Variants in APH1B observed in about 807,000 individuals in gnomAD.
APH1B encodes the protein gamma-secretase subunit APH-1B.
A neutral mutation model predicts 28.2 loss-of-function variants in APH1B; 27 were observed. That is an observed-to-expected ratio of 0.96 (90% CI 0.70 to 1.32). The LOEUF is 1.32. APH1B is among the 40% of genes most tolerant of loss of function. APH1B has a pLI of 0.00. For synonymous variants in APH1B, 141 were observed against 124.6 expected, an observed-to-expected ratio of 1.13 and a Z score of -0.88; for missense variants, 305 against 313.6, an observed-to-expected ratio of 0.97 and a Z score of 0.21.
chr15:63,299,045 G>C (rs977144582), intron 4 of APH1B, among the ~76,000 whole-genome samples: 1 of 152,142 alleles, frequency 6.6e-6, no homozygotes, highest in Non-Finnish European at 1.5e-5. Flanking sequence ...TCAGACAAAA[G>C]GGATAATCTA....
chr15:63,296,793 G>T (rs1315725302), intron 4 of APH1B, among the ~76,000 whole-genome samples: 1 of 152,052 alleles, frequency 6.6e-6, no homozygotes, highest in Admixed American at 6.5e-5. Context: ...GAGTAGCTGG[G>T]ACTACAGGTG....
chr15:63,303,867 C>CA (rs1340126563), intron 5 of APH1B, among the ~76,000 whole-genome samples: 1 of 70,882 alleles, frequency 1.4e-5, no homozygotes, highest in East Asian at 3.1e-4. Flanking sequence ...CACACACACA[C>CA]ACACACAACA....
At chr15:63,298,910 AAAGG>A in intron 4 of APH1B, among the ~76,000 whole-genome samples, 1 of 151,904 alleles carries the variant, frequency 6.6e-6, no homozygotes, top group South Asian at 2.1e-4. Flanking sequence ...AAAAAAAAAA[AAAGG>A]AGGAGGGTAG....
At position 63,279,998 on chromosome 15, in the gene APH1B, A is replaced by T. The variant is rs113576621; in HGVS notation, c.284+667A>T. On this transcript the variant is annotated intron_variant, in intron 2 of 5. Transcript: ENST00000261879. Reference sequence around the variant, plus strand: ...ATTTTAGTAGAGACAGGGTTTCACCATGTTCGCCAGGCTGGTTTCAAACTC... The same window carrying T: ...ATTTTAGTAGAGACAGGGTTTCACCTTGTTCGCCAGGCTGGTTTCAAACTC... 8.0e-3 allele frequency among the ~76,000 whole-genome samples: 1,215 copies of T among 152,118 alleles called. 14 individuals carry two copies. The highest frequency in any genetic ancestry group is 0.017 in the Middle Eastern group (5 of 294).
chr15:63,291,648 G>A (rs562193164), intron 4 of APH1B: 3 of 152,320 alleles, frequency 2.0e-5, no homozygotes, highest in Admixed American at 2.0e-4. Context: ...AATAAAAGAG[G>A]AATGTGGGAG....
intron 2 of APH1B, 32 bp downstream of exon 2, chr15:63,279,363 C>A: frequency 1.3e-6 from 2 of 1,556,056 alleles, no homozygotes; most frequent in South Asian, 2.3e-5. Context: ...CCTTTTTTTT[C>A]CCCAGTTAGA....
rs1373829146 is a variant in APH1B at position 63,306,055 on chromosome 15, GT to G, written c.*278del. On this transcript the variant is annotated 3_prime_UTR_variant, in exon 6 of 6. Coordinates refer to ENST00000261879, the MANE Select transcript of APH1B (RefSeq NM_031301.4). ...GCTAATTGGCCTGGGCACGTGGTGA[GT>G]TTTAAAAGCTTCCCAGGTGATTCTG... The G allele has an allele frequency of 2.9e-6, 1 of 343,020 alleles. No homozygotes were observed. The highest frequency in any genetic ancestry group is 5.3e-6 in the Non-Finnish European group (1 of 187,780). 21.2% of individuals were successfully genotyped at this position (343,020 alleles called of 1,614,324 possible).
intron 4 of APH1B, among the ~76,000 whole-genome samples, chr15:63,288,051 A>G (rs1421501057): frequency 6.6e-6 from 1 of 152,224 alleles, no homozygotes; most frequent in African/African-American, 2.4e-5. Flanking sequence ...AATTGTCATC[A>G]TGATGCAGTG....
chr15:63,287,259 C>G, intron 3 of APH1B, 165 bp from the exon 4 acceptor site: 2 of 791,208 alleles, frequency 2.5e-6, no homozygotes, highest in Non-Finnish European at 3.9e-6. Flanking sequence ...CTCTCTGATT[C>G]ATCATTTAGC....
rs2038401106 is a variant in APH1B at position 63,282,638 on chromosome 15, T to A, written c.284+3307T>A. Among the ~76,000 whole-genome samples, 3 of 152,114 alleles carry A rather than the reference T, an allele frequency of 2.0e-5. 1 individual carries two copies. The South Asian group carries it at 6.2e-4, about 31-fold the overall frequency. On this transcript the variant is annotated intron_variant, in intron 2 of 5. Coordinates refer to ENST00000261879, the MANE Select transcript of APH1B (RefSeq NM_031301.4). ...GAAACTCCTGTATGTTGCTTGAAAC[T>A]CCTGTATGTTGCCTAAAACAGACAT... is the stretch of plus-strand genomic sequence containing the variant.
At chr15:63,286,125 A>G (rs556436039) in intron 2 of APH1B, among the ~76,000 whole-genome samples, 2 of 152,346 alleles carry the variant, frequency 1.3e-5, no homozygotes, top group Admixed American at 6.5e-5. Flanking sequence ...CAGAGCCAGT[A>G]TAGTCCTGGT....
At chr15:63,298,250 A>T (rs1386396325) in intron 4 of APH1B, among the ~76,000 whole-genome samples, 1 of 152,122 alleles carries the variant, frequency 6.6e-6, no homozygotes, top group Non-Finnish European at 1.5e-5. Flanking sequence ...TAGCTCTGTC[A>T]CCCAGGCTGG....
Position 63,305,857 on chromosome 15 carries a change from C to T in APH1B, c.*76C>T. ...CACAACTGTGCCTTTTTCTGAAAAT[C>T]CCTTTTTCTGGTGGAATTGAGAAAG... On this transcript the variant is annotated 3_prime_UTR_variant, in exon 6 of 6. Coordinates refer to ENST00000261879, the MANE Select transcript of APH1B (RefSeq NM_031301.4). 1 of 1,517,342 alleles carries T rather than the reference C, an allele frequency of 6.6e-7. No individual in the cohort carries two copies. Among genetic ancestry groups the T allele is most frequent in the Non-Finnish European group, 8.9e-7 (1 of 1,128,158 alleles). The allele number at this position is 1,517,342 out of a possible 1,614,324, so 94.0% of individuals were successfully genotyped here.
chr15:63,283,084 A>C (rs1295654366), intron 2 of APH1B, among the ~76,000 whole-genome samples: 1 of 152,190 alleles, frequency 6.6e-6, no homozygotes, highest in Non-Finnish European at 1.5e-5. Context: ...TCACTTCCTG[A>C]TGTTGACATT....
At chr15:63,283,786 G>A (rs1409285364) in intron 2 of APH1B, among the ~76,000 whole-genome samples, 1 of 152,040 alleles carries the variant, frequency 6.6e-6, no homozygotes, top group Non-Finnish European at 1.5e-5. Flanking sequence ...CATGAAGACT[G>A]GCACCTATGT....
At chr15:63,277,783 C>T (rs764763418) in intron 1 of APH1B, 47 bp downstream of exon 1, 5 of 1,566,272 alleles carry the variant, frequency 3.2e-6, no homozygotes, top group African/African-American at 1.4e-5. Flanking sequence ...CTCCCCTCCC[C>T]CGCTGGGGTT....
Position 63,279,244 on chromosome 15 carries a change from C to G in APH1B, c.197C>G (p.Pro66Arg). 6.2e-7 allele frequency: 1 copy of G among 1,613,034 alleles called. No homozygotes were observed. The highest frequency in any genetic ancestry group is 8.5e-7 in the Non-Finnish European group (1 of 1,179,278). The change falls in exon 2 of 6, where the codon CCA becomes CGA. Residue 66 changes from proline (P) to arginine (R), a missense_variant. Transcript: ENST00000261879. ...GTCATTATTGACAACAAAGATGGAC[C>G]AACACAGAAATATCTGCTGATCTTT... ...ARVIIDNKDG[P>R]TQKYLLIFGA...
intron 4 of APH1B, among the ~76,000 whole-genome samples, chr15:63,293,844 A>G (rs1439261669): frequency 2.0e-5 from 3 of 151,918 alleles, no homozygotes; most frequent in African/African-American, 4.8e-5. Flanking sequence ...GGCTCACTGC[A>G]TCCTTGACCT....
Position 63,279,232 on chromosome 15 carries a change from A to T in APH1B, c.185A>T (p.Asn62Ile). ...TTCATGGCAAGAGTCATTATTGACAACAAAGATGGACCAACACAGAAATAT... is the reference window on the plus strand; with the variant it reads ...TTCATGGCAAGAGTCATTATTGACATCAAAGATGGACCAACACAGAAATAT... ...VWFMARVIID[N>I]KDGPTQKYLL... Residue 62 changes from asparagine to isoleucine, a missense_variant, in exon 2 of 6, where the codon AAC (asparagine) becomes ATC (isoleucine). Physicochemically the swap from Asn to Ile is moderately radical, Grantham distance 149 (BLOSUM62 -3). Transcript: ENST00000261879. The T allele has an allele frequency of 6.2e-7, 1 of 1,613,408 alleles. No homozygotes were observed. Among genetic ancestry groups the T allele is most frequent in the Non-Finnish European group, 8.5e-7 (1 of 1,179,440 alleles).
Sources: allele counts gnomAD v4.1 joint callset (sites outside exome capture counted in the v4.1 genomes callset), GRCh38; gene constraint gnomAD v4.1.1; transcripts MANE v1.5; gene names NCBI Gene and HGNC (gene_info 2026-07-23, HGNC 2026-07-21).